Variants in NRF1 observed in about 807,000 individuals in gnomAD.
The protein encoded by NRF1 is nuclear respiratory factor 1.
NRF1 carries 5 observed loss-of-function variants against 58.5 expected under a neutral mutation model. The ratio of observed to expected loss-of-function variants is 0.09; its 90% confidence interval spans 0.04 to 0.18. The LOEUF (loss-of-function observed/expected upper bound fraction) is 0.18. Among genes scored for constraint, NRF1 ranks in the 10% least tolerant of loss-of-function variants. The pLI, the probability that NRF1 is intolerant of heterozygous loss-of-function variation, is 1.00. For synonymous variants in NRF1, 224 were observed against 246.7 expected, an observed-to-expected ratio of 0.91 and a Z score of 0.86; for missense variants, 288 against 657.7, an observed-to-expected ratio of 0.44 and a Z score of 6.15.
rs932832355 is a variant in NRF1 at position 129,741,416 on chromosome 7, A to G, written c.1349-13602A>G. ...TAAAGGCAGATTTTGGTCTTAGATT[A>G]TTCCAGCTCCTTATAAACCAAGACT... On this transcript the variant is annotated intron_variant, in intron 10 of 10. Transcript: ENST00000393232. This position sits in a 1 kb window ranked among gnomAD's most constrained non-coding sequence, Gnocchi z 4.0. Among the ~76,000 whole-genome samples, 1 of 152,198 alleles carries G rather than the reference A, an allele frequency of 6.6e-6. No homozygotes were observed. The highest frequency in any genetic ancestry group is 2.4e-5 in the African/African-American group (1 of 41,444).
chr7:129,620,166 C>G (rs1800759938), intron 1 of NRF1, among the ~76,000 whole-genome samples: 1 of 152,086 alleles, frequency 6.6e-6, no homozygotes, highest in Non-Finnish European at 1.5e-5. Context: ...GTAGGTGTCT[C>G]AGGTGAAGAA....
At chr7:129,667,635 C>G (rs1801951228) in intron 2 of NRF1, among the ~76,000 whole-genome samples, 1 of 151,296 alleles carries the variant, frequency 6.6e-6, no homozygotes, top group African/African-American at 2.4e-5. Context: ...TATAGTTTAT[C>G]CTTTCGGGAT....
intron 5 of NRF1, among the ~76,000 whole-genome samples, chr7:129,703,340 T>TG (rs1802878041): frequency 1.3e-5 from 2 of 152,200 alleles, no homozygotes; most frequent in African/African-American, 4.8e-5. Flanking sequence ...CTGATCCTGT[T>TG]GATTGTCTCC....
intron 1 of NRF1, among the ~76,000 whole-genome samples, chr7:129,619,425 T>TACACACACACACAC (rs1461364151): frequency 4.8e-5 from 4 of 82,570 alleles, no homozygotes; most frequent in South Asian, 4.5e-4. Flanking sequence ...TATATATATA[T>TACACACACACACAC]ATATATATAC....
intron 1 of NRF1, among the ~76,000 whole-genome samples, chr7:129,618,227 G>A (rs1800696275): frequency 6.6e-6 from 1 of 152,106 alleles, no homozygotes; most frequent in Admixed American, 6.5e-5. Flanking sequence ...TTTAAGATAG[G>A]GAATGTATAG....
At chr7:129,626,616 A>G (rs1317769330) in intron 1 of NRF1, among the ~76,000 whole-genome samples, 1 of 152,222 alleles carries the variant, frequency 6.6e-6, no homozygotes, top group Non-Finnish European at 1.5e-5. Flanking sequence ...GCTGAATTTA[A>G]TGTTACTGGG....
At chr7:129,728,686 G>T (rs543693879) in intron 10 of NRF1, among the ~76,000 whole-genome samples, 4 of 152,174 alleles carry the variant, frequency 2.6e-5, no homozygotes, top group African/African-American at 9.6e-5. Flanking sequence ...TGGAATAGGA[G>T]GAAACAAAGT....
At chr7:129,707,259 G>A (rs751019396) in intron 5 of NRF1, among the ~76,000 whole-genome samples, 2 of 152,194 alleles carry the variant, frequency 1.3e-5, no homozygotes, top group Non-Finnish European at 2.9e-5. Flanking sequence ...CTCCCAAGGT[G>A]CAGGGATTAT....
At chr7:129,650,380 T>C (rs188154946) in intron 1 of NRF1, among the ~76,000 whole-genome samples, 66 of 152,334 alleles carry the variant, frequency 4.3e-4, no homozygotes, top group African/African-American at 1.6e-3. Context: ...TGTGAAATTA[T>C]GCTAGGGGCC....
intron 2 of NRF1, among the ~76,000 whole-genome samples, chr7:129,659,187 T>C (rs1346049791): frequency 6.9e-6 from 1 of 144,812 alleles, no homozygotes; most frequent in Admixed American, 7.2e-5. Flanking sequence ...GGAGCAACTC[T>C]CCTGTCTCAG....
At position 129,720,405 on chromosome 7, in the gene NRF1, C is replaced by T. The variant is rs1333825336; in HGVS notation, c.1223+3029C>T. Among the ~76,000 whole-genome samples the T allele has an allele frequency of 3.3e-5, 5 of 152,192 alleles. 1 individual carries two copies. The highest frequency in any genetic ancestry group is 3.3e-4 in the Admixed American group (5 of 15,282). Reference sequence around the variant, plus strand: ...GCAGTAGAATCATTTAGTCCTTGCACTCTGAGCCTCTCCACAGAATTTGCT... The same window carrying T: ...GCAGTAGAATCATTTAGTCCTTGCATTCTGAGCCTCTCCACAGAATTTGCT... On this transcript the variant is annotated intron_variant, in intron 9 of 10. Transcript: ENST00000393232.
chr7:129,704,209 T>C (rs1802899169), intron 5 of NRF1, among the ~76,000 whole-genome samples: 1 of 152,142 alleles, frequency 6.6e-6, no homozygotes. Flanking sequence ...CCATTGATCA[T>C]TGGTCCAAAT....
intron 1 of NRF1, among the ~76,000 whole-genome samples, chr7:129,615,043 T>C (rs1404380189): frequency 1.3e-5 from 2 of 152,204 alleles, no homozygotes; most frequent in African/African-American, 4.8e-5. Context: ...TCAGTAAAGT[T>C]GAAGAATAAT....
chr7:129,702,359 T>C (rs1802846251), intron 5 of NRF1, among the ~76,000 whole-genome samples: 2 of 152,210 alleles, frequency 1.3e-5, no homozygotes. Flanking sequence ...TTGACTGGCC[T>C]TCAAATTCAC....
At chr7:129,613,941 T>A (rs1378061433) in intron 1 of NRF1, among the ~76,000 whole-genome samples, 1 of 151,914 alleles carries the variant, frequency 6.6e-6, no homozygotes, top group Non-Finnish European at 1.5e-5. Context: ...AAACAAAAAC[T>A]CTACTTAATC....
At chr7:129,707,184 G>A (rs11977778) in intron 5 of NRF1, among the ~76,000 whole-genome samples, 7,266 of 152,094 alleles carry the variant, frequency 0.048, 562 homozygotes, top group African/African-American at 0.16. Flanking sequence ...GGTAGAGACA[G>A]AGTCCCACTG....
At chr7:129,718,109 T>C (rs557471230) in intron 9 of NRF1, among the ~76,000 whole-genome samples, 97 of 152,326 alleles carry the variant, frequency 6.4e-4, no homozygotes, top group Admixed American at 1.1e-3. Context: ...TGAAACTCGA[T>C]TGTATTATTC....
At chr7:129,644,438 A>G (rs200997454) in intron 1 of NRF1, among the ~76,000 whole-genome samples, 1 of 152,268 alleles carries the variant, frequency 6.6e-6, no homozygotes, top group East Asian at 1.9e-4. Flanking sequence ...TCTATTAGAA[A>G]TTACCTTCAC....
rs114313210 is a variant in NRF1 at position 129,684,012 on chromosome 7, A to G, written c.465+6254A>G. 6.3e-3 allele frequency among the ~76,000 whole-genome samples: 956 copies of G among 152,322 alleles called. 11 individuals are homozygous for G. The highest frequency in any genetic ancestry group is 0.022 in the African/African-American group (928 of 41,574). ...AACCAAAAATAAAAACTTAGAAGGT[A>G]TTATCTAAACTGGTATTCAAAGGAA... On this transcript the variant is annotated intron_variant, in intron 4 of 10. Coordinates refer to ENST00000393232, the MANE Select transcript of NRF1 (RefSeq NM_005011.5).
Sources: gnomAD v4.1 joint callset for allele counts (sites outside exome capture counted in the v4.1 genomes callset) on GRCh38, gnomAD v4.1.1 for gene constraint, Gnocchi (gnomAD v3.1) non-coding constraint, MANE v1.5 for transcripts, NCBI Gene and HGNC (gene_info 2026-07-23, HGNC 2026-07-21) for gene names.